CBX1: variants seen among roughly 807,000 people sequenced by gnomAD.
CBX1 encodes the protein chromobox protein homolog 1.
A neutral mutation model predicts 25.1 loss-of-function variants in CBX1; 10 were observed. That is an observed-to-expected ratio of 0.40 (90% CI 0.25 to 0.68). The LOEUF is 0.68. CBX1 is among the 30% of genes least tolerant of loss of function. CBX1 has a pLI of 0.40. For missense variants in CBX1, 106 were observed against 218.5 expected (o/e 0.49, Z 3.25); for synonymous variants, 63 against 79.4 (o/e 0.79, Z 1.10).
intron 1 of CBX1, among the ~76,000 whole-genome samples, chr17:48,097,989 G>GT (rs1337309881): frequency 6.6e-6 from 1 of 152,130 alleles, no homozygotes; most frequent in Non-Finnish European, 1.5e-5. Context: ...GAGGCCTGAG[G>GT]TATTTAAAAC....
At chr17:48,075,483 G>A (rs1240808588) in intron 3 of CBX1, among the ~76,000 whole-genome samples, 10 of 152,114 alleles carry the variant, frequency 6.6e-5, no homozygotes, top group South Asian at 4.1e-4. Flanking sequence ...GTGAGCCACC[G>A]TGCCCGGCCC....
At chr17:48,094,689 G>A (rs550384016) in intron 1 of CBX1, among the ~76,000 whole-genome samples, 28 of 150,666 alleles carry the variant, frequency 1.9e-4, no homozygotes, top group African/African-American at 5.4e-4. Flanking sequence ...AGCTGAGATC[G>A]CGCCACTGCA....
intron 1 of CBX1, among the ~76,000 whole-genome samples, chr17:48,080,903 G>C (rs2037724055): frequency 1.1e-5 from 1 of 94,890 alleles, no homozygotes; most frequent in Non-Finnish European, 1.9e-5. Flanking sequence ...CCTGGTGACA[G>C]AGCGAGACTC....
rs950848163 is a variant in CBX1 at position 48,076,966 on chromosome 17, C to T, written c.39G>A (p.Val13=). ...KKQNKKKVEE[V]LEEEEEEYVV... ...CATATTCCTCTTCCTCCTCTTCTAG[C>T]ACCTCCTCCACTTTCTTCTTGTTTT... Residue 13 remains valine, a synonymous_variant, in exon 2 of 5, where the codon GTG becomes GTA. Coordinates refer to ENST00000225603, the MANE Select transcript of CBX1 (RefSeq NM_001127228.2). 2 of 1,613,830 alleles carry T rather than the reference C, an allele frequency of 1.2e-6. No individual in the cohort carries two copies.
chr17:48,076,832 G>C (rs1567764083), intron 2 of CBX1, 33 bp downstream of exon 2: 1 of 1,591,862 alleles, frequency 6.3e-7, no homozygotes, highest in Admixed American at 1.7e-5. Context: ...TAAACACGTG[G>C]TGGCTACATT....
intron 1 of CBX1, among the ~76,000 whole-genome samples, chr17:48,077,256 C>CTTT (rs57789313): frequency 1.3e-4 from 19 of 141,666 alleles, no homozygotes; most frequent in African/African-American, 4.5e-4. Flanking sequence ...TTACAGCAAA[C>CTTT]TTTTTTTTTT....
intron 1 of CBX1, among the ~76,000 whole-genome samples, chr17:48,083,977 C>T (rs1434171676): frequency 6.7e-6 from 1 of 150,178 alleles, no homozygotes; most frequent in Non-Finnish European, 1.5e-5. Context: ...CTATTACAAA[C>T]ACTTTACTCA....
chr17:48,086,354 G>A (rs1387137497), intron 1 of CBX1, among the ~76,000 whole-genome samples: 3 of 152,302 alleles, frequency 2.0e-5, no homozygotes, highest in South Asian at 2.1e-4. Context: ...GAAAGGGTAC[G>A]AGAAGGCTTC....
In CBX1 at chr17:48,077,034, T is replaced by TCA; in HGVS notation, c.-31_-30insTG. On this transcript the variant is annotated 5_prime_UTR_variant, in exon 2 of 5. Coordinates refer to ENST00000225603, the MANE Select transcript of CBX1 (RefSeq NM_001127228.2). ...CCCGCCAGCTTTCTGGTGTAAAGGG[T>TCA]GACGCTGCTAAAATGATAAATGAAA... 6.3e-7 allele frequency: 1 copy of TCA among 1,599,870 alleles called. No homozygotes were observed. The highest frequency in any genetic ancestry group is 8.5e-7 in the Non-Finnish European group (1 of 1,173,976).
At chr17:48,099,133 G>A (rs944765378) in intron 1 of CBX1, among the ~76,000 whole-genome samples, 5 of 151,836 alleles carry the variant, frequency 3.3e-5, no homozygotes, top group African/African-American at 1.2e-4. Flanking sequence ...ACAGAGTCTC[G>A]CTCTGTTGCC....
At chr17:48,099,367 G>C (rs1341288495) in intron 1 of CBX1, among the ~76,000 whole-genome samples, 1 of 152,132 alleles carries the variant, frequency 6.6e-6, no homozygotes, top group Non-Finnish European at 1.5e-5. Flanking sequence ...GACTCCCAAA[G>C]TGCTGGGATG....
intron 1 of CBX1, among the ~76,000 whole-genome samples, chr17:48,081,037 T>C (rs1205458139): frequency 7.2e-6 from 1 of 138,816 alleles, no homozygotes; most frequent in Non-Finnish European, 1.5e-5. Flanking sequence ...TTTTGAAAAG[T>C]TTAATCTATT....
chr17:48,075,217 C>T (rs553306753), intron 3 of CBX1, 117 bp from the exon 4 acceptor site: 16 of 670,544 alleles, frequency 2.4e-5, no homozygotes, highest in Admixed American at 2.3e-4. Flanking sequence ...TTTTTTGAGA[C>T]GGAATCTCAC....
chr17:48,074,863 G>A (rs910998639), intron 4 of CBX1, 143 bp downstream of exon 4: 11 of 699,022 alleles, frequency 1.6e-5, no homozygotes, highest in African/African-American at 1.1e-4. Context: ...CAGTCAGGCC[G>A]AGGGTCACTA....
chr17:48,092,301 C>A (rs370267810), intron 1 of CBX1, among the ~76,000 whole-genome samples: 1 of 151,226 alleles, frequency 6.6e-6, no homozygotes, highest in African/African-American at 2.4e-5. Context: ...GATCTTCTAC[C>A]TTTTAATACT....
intron 1 of CBX1, chr17:48,100,675 G>A (rs1280442415): frequency 1.0e-6 from 1 of 966,736 alleles, no homozygotes; most frequent in Non-Finnish European, 1.2e-6. Flanking sequence ...CCAGAGTCAG[G>A]CCCAGCAAAC....
At chr17:48,079,024 C>A (rs150012002) in intron 1 of CBX1, among the ~76,000 whole-genome samples, 1 of 151,640 alleles carries the variant, frequency 6.6e-6, no homozygotes, top group East Asian at 1.9e-4. Flanking sequence ...GTCTCAAACT[C>A]GTGACTTCGT....
At position 48,071,253 on chromosome 17, in the gene CBX1, T is replaced by A. The variant is rs1445389344; in HGVS notation, c.*182A>T. The A allele has an allele frequency of 2.6e-5, 13 of 505,270 alleles. No homozygotes were observed. Among genetic ancestry groups the A allele is most frequent in the Non-Finnish European group, 4.4e-5 (13 of 297,108 alleles). 31.3% of individuals were successfully genotyped at this position (505,270 alleles called of 1,614,324 possible). A position where few individuals can be genotyped will look rare whatever the true frequency, so the allele number is the denominator to read the frequency against. On this transcript the variant is annotated 3_prime_UTR_variant, in exon 5 of 5. Coordinates refer to ENST00000225603, the MANE Select transcript of CBX1 (RefSeq NM_001127228.2). ...CCTTTCCCCTCCACTGGGATGGGTG[T>A]GCAAACTATACAGCTTGAAACGGCT... is the stretch of plus-strand genomic sequence containing the variant.
intron 1 of CBX1, among the ~76,000 whole-genome samples, chr17:48,077,477 G>A (rs527819051): frequency 9.3e-5 from 13 of 139,298 alleles, no homozygotes; most frequent in African/African-American, 2.3e-4. Context: ...TAGTAGAGAC[G>A]GGATTTCACT....
Sources: allele counts gnomAD v4.1 joint callset (sites outside exome capture counted in the v4.1 genomes callset), GRCh38; gene constraint gnomAD v4.1.1; transcripts MANE v1.5; gene names NCBI Gene and HGNC (gene_info 2026-07-23, HGNC 2026-07-21).